The following STAM variants were observed in gnomAD, a reference collection of about 807,000 sequenced individuals.
STAM encodes signal transducing adapter molecule 1.
Under a neutral mutation model 63.4 loss-of-function variants are expected in STAM, and 16 were observed. The ratio of observed to expected loss-of-function variants is 0.25; its 90% CI spans 0.17 to 0.38. The LOEUF (loss-of-function observed/expected upper bound fraction) is 0.38. Among genes scored for constraint, STAM ranks in the 10% least tolerant of loss-of-function variants. The pLI is 1.00. For synonymous variants in STAM, 238 were observed against 223.9 expected (o/e 1.06, Z -0.56); for missense variants, 636 against 657.1 (o/e 0.97, Z 0.35).
chr10:17,648,442 G>T (rs569443165), intron 1 of STAM, among the ~76,000 whole-genome samples: 1 of 152,182 alleles, frequency 6.6e-6, no homozygotes, highest in Non-Finnish European at 1.5e-5. Context: ...AGCAGCAACC[G>T]GCTCGGGTCC....
chr10:17,715,147 C>T lies in STAM; in HGVS notation c.*367C>T, dbSNP rs1239038136. Reference sequence around the variant, plus strand: ...AACTGCATTAGTGGCCATTTTGAATCACAGTGGTGATCGTGTGAATATATT... The same window carrying T: ...AACTGCATTAGTGGCCATTTTGAATTACAGTGGTGATCGTGTGAATATATT... On this transcript the variant is annotated 3_prime_UTR_variant, in exon 14 of 14. Coordinates refer to ENST00000377524, the MANE Select transcript of STAM (RefSeq NM_003473.4). 2 of 246,808 alleles carry T rather than the reference C, an allele frequency of 8.1e-6. No individual in the cohort carries two copies. The highest frequency in any genetic ancestry group is 1.2e-4 in the South Asian group (2 of 16,310). 15.3% of individuals were successfully genotyped at this position (246,808 alleles called of 1,614,324 possible). A position where few individuals can be genotyped will look rare whatever the true frequency, so the allele number is the denominator to read the frequency against.
intron 2 of STAM, among the ~76,000 whole-genome samples, chr10:17,679,423 T>C (rs1834990831): frequency 6.6e-6 from 1 of 152,226 alleles, no homozygotes; most frequent in South Asian, 2.1e-4. Context: ...TTGTTCGTTG[T>C]TGAGATGTAG....
intron 2 of STAM, among the ~76,000 whole-genome samples, chr10:17,683,917 A>AT (rs1835187309): frequency 6.6e-6 from 1 of 152,094 alleles, no homozygotes; most frequent in East Asian, 1.9e-4. Flanking sequence ...ATTGGACTTT[A>AT]TTTTTTCAGA....
chr10:17,710,332 G>C (rs1836501287), intron 13 of STAM, among the ~76,000 whole-genome samples: 1 of 152,172 alleles, frequency 6.6e-6, no homozygotes, highest in Non-Finnish European at 1.5e-5. Context: ...GTGGTACCCT[G>C]CTGCTGTTCT....
At chr10:17,661,979 T>C (rs939016751) in intron 2 of STAM, among the ~76,000 whole-genome samples, 4 of 152,378 alleles carry the variant, frequency 2.6e-5, no homozygotes, top group African/African-American at 7.2e-5. Flanking sequence ...TTTTAACTAC[T>C]GTGTGTTACA....
In STAM at chr10:17,714,821, C is replaced by T. The variant is rs1836739794; in HGVS notation, c.*41C>T. On this transcript the variant is annotated 3_prime_UTR_variant, in exon 14 of 14. Transcript: ENST00000377524. ...TTGGTGGCAGATACCTGCTAAATGCCACTGACAATGTTATGAGATTCATTA... is the reference window on the plus strand; with the variant it reads ...TTGGTGGCAGATACCTGCTAAATGCTACTGACAATGTTATGAGATTCATTA... 1.3e-6 allele frequency: 2 copies of T among 1,533,570 alleles called. No individual in the cohort carries two copies. The highest frequency in any genetic ancestry group is 4.5e-5 in the East Asian group (2 of 44,512). The allele number at this position is 1,533,570 out of a possible 1,614,324, so 95.0% of individuals were successfully genotyped here. A position where few individuals can be genotyped will look rare whatever the true frequency, so the allele number is the denominator to read the frequency against.
chr10:17,684,640 T>G, intron 2 of STAM, 35 bp from the exon 3 acceptor site: 1 of 1,573,202 alleles, frequency 6.4e-7, no homozygotes, highest in Non-Finnish European at 8.7e-7. Context: ...GCTAGATGTA[T>G]TATTAAGTAA....
chr10:17,676,489 A>G (rs1834862234), intron 2 of STAM, among the ~76,000 whole-genome samples: 1 of 152,176 alleles, frequency 6.6e-6, no homozygotes, highest in African/African-American at 2.4e-5. Flanking sequence ...CTGGTCTGTG[A>G]TTTGAGAAAA....
chr10:17,657,060 C>T (rs1036162910), intron 1 of STAM, among the ~76,000 whole-genome samples: 1 of 152,016 alleles, frequency 6.6e-6, no homozygotes, highest in Non-Finnish European at 1.5e-5. Context: ...GGCTTTTTTC[C>T]CTTTTCTGGT....
chr10:17,669,654 G>C (rs530659868), intron 2 of STAM, among the ~76,000 whole-genome samples: 1 of 149,906 alleles, frequency 6.7e-6, no homozygotes, highest in African/African-American at 2.4e-5. Flanking sequence ...GTTTCAGTGG[G>C]GTTTTTCTTT....
chr10:17,688,137 G>C lies in STAM; in HGVS notation c.408G>C (p.Lys136Asn), dbSNP rs1554826308. Residue 136 changes from lysine (K) to asparagine (N), a missense_variant, in exon 5 of 14, where the codon AAG becomes AAC. Transcript: ENST00000377524. The stretch of plus-strand genomic sequence containing the variant: ...TATCAGCAATGATTAAGAACCTTAA[G>C]GAACAAGGAGTTACGTTCCCAGCTA... Reference protein sequence around the residue: ...SLISAMIKNLKEQGVTFPAIG... With the variant: ...SLISAMIKNLNEQGVTFPAIG... 19 of 1,587,552 alleles carry C rather than the reference G, an allele frequency of 1.2e-5. No individual in the cohort carries two copies. The highest frequency in any genetic ancestry group is 1.6e-5 in the Non-Finnish European group (19 of 1,167,492).
At chr10:17,663,159 AG>A (rs1554823074) in intron 2 of STAM, among the ~76,000 whole-genome samples, 1 of 152,190 alleles carries the variant, frequency 6.6e-6, no homozygotes, top group African/African-American at 2.4e-5. Context: ...TGTATGTTGT[AG>A]CACAAAGCTG....
chr10:17,703,528 T>G (rs1836114021), intron 9 of STAM, among the ~76,000 whole-genome samples: 1 of 152,140 alleles, frequency 6.6e-6, no homozygotes, highest in South Asian at 2.1e-4. Context: ...GGAGAAAGGT[T>G]TGTAATTATT....
In STAM at chr10:17,681,379, C is replaced by T. The variant is rs147086613; in HGVS notation, c.126-3296C>T. On this transcript the variant is annotated intron_variant, in intron 2 of 13. Transcript: ENST00000377524. ...CTATTTAGGAGGATGTTGATTTTCA[C>T]GTATTTTAATTTTCTATATTTCTTT... Among the ~76,000 whole-genome samples, 6 of 151,592 alleles carry T rather than the reference C, an allele frequency of 4.0e-5. No individual in the cohort carries two copies. In the East Asian group the frequency reaches 5.8e-4, roughly 15 times the overall value.
intron 5 of STAM, 113 bp downstream of exon 5, chr10:17,688,286 T>A (rs1178025913): frequency 3.7e-6 from 4 of 1,089,600 alleles, no homozygotes; most frequent in Non-Finnish European, 5.0e-6. Flanking sequence ...CAGAGGAATT[T>A]TCGTTAGCTA....
chr10:17,666,711 G>A (rs376467317), intron 2 of STAM, among the ~76,000 whole-genome samples: 61 of 152,132 alleles, frequency 4.0e-4, no homozygotes, highest in Middle Eastern at 3.4e-3. Flanking sequence ...GCTTTGTATT[G>A]TTTTGTCCTG....
rs368324610 is a variant in STAM at position 17,708,861 on chromosome 10, C to G, written c.1295C>G (p.Pro432Arg). The G allele has an allele frequency of 6.2e-7, 1 of 1,614,180 alleles. No homozygotes were observed. The highest frequency in any genetic ancestry group is 1.1e-5 in the South Asian group (1 of 91,082). ...MSHLQSYSLP[P>R]EQLSSLSQAV... The stretch of plus-strand genomic sequence containing the variant: ...CACCTCCAGAGCTACAGTCTTCCCC[C>G]GGAGCAGCTGTCTTCTCTCAGCCAG... Residue 432 changes from proline (P) to arginine (R), a missense_variant, in exon 13 of 14, where the codon CCG becomes CGG. Pro to Arg is a moderately radical substitution (Grantham distance 103). Transcript: ENST00000377524.
chr10:17,657,888 A>G (rs1554822361), intron 1 of STAM, among the ~76,000 whole-genome samples: 1 of 144,258 alleles, frequency 6.9e-6, no homozygotes, highest in African/African-American at 2.6e-5. Context: ...CTAGCAGCAT[A>G]TCGGTTTTAT....
chr10:17,696,672 G>A, intron 7 of STAM, 103 bp from the exon 8 acceptor site: 1 of 763,480 alleles, frequency 1.3e-6, no homozygotes, highest in Non-Finnish European at 2.1e-6. Context: ...GTTATTGTGA[G>A]ATTCAAATTT....
Sources: allele counts gnomAD v4.1 joint callset (sites outside exome capture counted in the v4.1 genomes callset), GRCh38; gene constraint gnomAD v4.1.1; transcripts MANE v1.5; gene names NCBI Gene and HGNC (gene_info 2026-07-23, HGNC 2026-07-21).